VEPH1: variants seen among roughly 807,000 people sequenced by gnomAD.
VEPH1 encodes ventricular zone expressed PH domain containing 1, also known as ventricular zone-expressed PH domain-containing protein homolog 1.
In VEPH1, 80 loss-of-function variants were observed where a neutral mutation model predicts 85.2. The observed-to-expected ratio is 0.94, with a 90% CI of 0.78 to 1.13. The LOEUF (loss-of-function observed/expected upper bound fraction) is 1.13, where lower values mean the gene tolerates loss of function less well. Ranked by LOEUF, VEPH1 falls within the 50% of genes most tolerant of loss-of-function variation. The pLI, the probability that VEPH1 is intolerant of heterozygous loss-of-function variation, is 0.00. For missense variants in VEPH1, 955 were observed against 980.5 expected, an observed-to-expected ratio of 0.97 and a Z score of 0.35; for synonymous variants, 297 against 348.0, an observed-to-expected ratio of 0.85 and a Z score of 1.63.
intron 9 of VEPH1, among the ~76,000 whole-genome samples, chr3:157,344,736 T>G (rs139657815): frequency 0.47 from 71,386 of 151,928 alleles, 18,419 homozygotes; most frequent in Admixed American, 0.62. Flanking sequence ...TAAGCCAAAA[T>G]AACAAAGCTG....
intron 4 of VEPH1, among the ~76,000 whole-genome samples, chr3:157,458,538 C>T (rs1288178362): frequency 6.6e-6 from 1 of 152,038 alleles, no homozygotes; most frequent in Non-Finnish European, 1.5e-5. Flanking sequence ...TTTTCAGATG[C>T]ATAGTTTGCA....
Position 157,272,382 on chromosome 3 carries a change from T to TCTTC in VEPH1, c.2129-6721_2129-6720insGAAG, listed in dbSNP as rs1242977014. ...TTTCTTTCTTTCTCTTTCTTTTCTT[T>TCTTC]CTTTCTTTCTTTCTTTCTTTCTTTC... On this transcript the variant is annotated intron_variant, in intron 12 of 13. Transcript: ENST00000362010. 8.5e-5 allele frequency among the ~76,000 whole-genome samples: 9 copies of TCTTC among 105,756 alleles called. No individual in the cohort carries two copies. In the East Asian group the frequency reaches 2.0e-3, roughly 23 times the overall value. 69.4% of individuals were successfully genotyped at this position (105,756 alleles called of 152,430 possible).
At position 157,398,636 on chromosome 3, in the gene VEPH1, GAA is replaced by G. The variant is rs35264447; in HGVS notation, c.906+15243_906+15244del. 5.5e-3 allele frequency among the ~76,000 whole-genome samples: 796 copies of G among 144,366 alleles called. 10 individuals carry two copies. The highest frequency in any genetic ancestry group is 0.018 in the African/African-American group (719 of 39,352). The allele number at this position is 144,366 out of a possible 152,430, so 94.7% of individuals were successfully genotyped here. A position where few individuals can be genotyped will look rare whatever the true frequency, so the allele number is the denominator to read the frequency against. On this transcript the variant is annotated intron_variant, in intron 6 of 13. Coordinates refer to ENST00000362010, the MANE Select transcript of VEPH1 (RefSeq NM_001167912.2). Reference sequence around the variant, plus strand: ...CAACAGAGTGAGACTCTGTCTCAAAGAAAAAAAAAAAAAGGAGTTATCTGCAG... The same window carrying G: ...CAACAGAGTGAGACTCTGTCTCAAAGAAAAAAAAAAAGGAGTTATCTGCAG...
chr3:157,303,118 C>T (rs911658876), intron 11 of VEPH1, among the ~76,000 whole-genome samples: 2 of 152,164 alleles, frequency 1.3e-5, no homozygotes, highest in Non-Finnish European at 1.5e-5. Context: ...AGAGAATGCT[C>T]TAATACACCA....
intron 6 of VEPH1, among the ~76,000 whole-genome samples, chr3:157,401,267 G>C (rs1730770245): frequency 6.6e-6 from 1 of 152,056 alleles, no homozygotes; most frequent in Non-Finnish European, 1.5e-5. Context: ...AAAAGAGAAA[G>C]GCTGATTGTA....
intron 12 of VEPH1, among the ~76,000 whole-genome samples, chr3:157,265,973 C>G (rs374893500): frequency 3.3e-5 from 5 of 150,120 alleles, no homozygotes; most frequent in African/African-American, 1.2e-4. Flanking sequence ...TTCTTTGTTT[C>G]ATAGTGTTCT....
chr3:157,303,438 A>G (rs1024533413), intron 11 of VEPH1, among the ~76,000 whole-genome samples: 3 of 152,216 alleles, frequency 2.0e-5, no homozygotes, highest in Non-Finnish European at 4.4e-5. Flanking sequence ...GACTGAATAC[A>G]TGAACTTAGA....
At chr3:157,479,678 C>G (rs946222461) in intron 2 of VEPH1, among the ~76,000 whole-genome samples, 2 of 152,188 alleles carry the variant, frequency 1.3e-5, no homozygotes, top group African/African-American at 2.4e-5. Context: ...ACATGGACTG[C>G]ATCAGAATGC....
intron 1 of VEPH1, among the ~76,000 whole-genome samples, chr3:157,502,961 C>T (rs542390490): frequency 1.3e-4 from 20 of 152,278 alleles, no homozygotes; most frequent in Admixed American, 1.2e-3. Flanking sequence ...AGAAATGAGA[C>T]TAGATTATTA....
chr3:157,454,894 C>T (rs1275428324), intron 4 of VEPH1, among the ~76,000 whole-genome samples: 5 of 152,182 alleles, frequency 3.3e-5, no homozygotes, highest in Non-Finnish European at 7.3e-5. Flanking sequence ...CCTCTAGCTG[C>T]ATCCACGTTG....
rs1459473717 is a variant in VEPH1 at position 157,495,575 on chromosome 3, T to A, written c.-157-69A>T. On this transcript the variant is annotated intron_variant, in intron 1 of 13. Coordinates refer to ENST00000362010, the MANE Select transcript of VEPH1 (RefSeq NM_001167912.2). ...GCATAAGCTCAGAATGTGAACTCAG[T>A]GTCCAGCGGAGAGAGAGAGAAAAAA... The A allele has an allele frequency of 3.0e-6, 3 of 1,013,044 alleles. No individual in the cohort carries two copies. The East Asian group carries it at 9.2e-5, about 31-fold the overall frequency. 62.8% of individuals were successfully genotyped at this position (1,013,044 alleles called of 1,614,324 possible). A position where few individuals can be genotyped will look rare whatever the true frequency, so the allele number is the denominator to read the frequency against.
intron 4 of VEPH1, chr3:157,459,827 A>G: frequency 6.7e-7 from 1 of 1,499,412 alleles, no homozygotes; most frequent in Non-Finnish European, 8.9e-7. Context: ...GGTTTTTCAT[A>G]CCCCACTGAG....
intron 12 of VEPH1, among the ~76,000 whole-genome samples, chr3:157,269,642 G>GTTTTTTTTTTTTTTTTTTTTTTTTTTT (rs11408861): frequency 3.6e-4 from 41 of 115,410 alleles, no homozygotes; most frequent in Non-Finnish European, 4.5e-4. Context: ...TGTTTTTGTT[G>GTTTTTTTTTTTTTTTTTTTTTTTTTTT]TTTTTTTTTT....
intron 9 of VEPH1, among the ~76,000 whole-genome samples, chr3:157,327,128 C>T (rs897893429): frequency 1.3e-5 from 2 of 152,128 alleles, no homozygotes; most frequent in Non-Finnish European, 2.9e-5. Flanking sequence ...ACCCCTGGAC[C>T]GGCCCATGTG....
intron 2 of VEPH1, among the ~76,000 whole-genome samples, chr3:157,471,340 A>G (rs1736936886): frequency 6.6e-6 from 1 of 152,220 alleles, no homozygotes; most frequent in African/African-American, 2.4e-5. Flanking sequence ...CATCTTGTGC[A>G]TGAAGCTCTC....
chr3:157,479,003 G>A (rs895808394), intron 2 of VEPH1, among the ~76,000 whole-genome samples: 1 of 152,060 alleles, frequency 6.6e-6, no homozygotes, highest in Non-Finnish European at 1.5e-5. Context: ...ACAGTTAACT[G>A]CTTCCTTTAA....
intron 9 of VEPH1, among the ~76,000 whole-genome samples, chr3:157,354,080 G>T (rs991260503): frequency 6.6e-6 from 1 of 152,136 alleles, no homozygotes; most frequent in African/African-American, 2.4e-5. Flanking sequence ...GACTCTAGAT[G>T]ATAATGTATC....
At chr3:157,440,999 C>T (rs1462736456) in intron 4 of VEPH1, among the ~76,000 whole-genome samples, 1 of 152,222 alleles carries the variant, frequency 6.6e-6, no homozygotes, top group African/African-American at 2.4e-5. Flanking sequence ...GTCTATTCAG[C>T]TCTTAAGTGC....
At chr3:157,295,937 A>G (rs1718073313) in intron 11 of VEPH1, among the ~76,000 whole-genome samples, 1 of 152,242 alleles carries the variant, frequency 6.6e-6, no homozygotes, top group Non-Finnish European at 1.5e-5. Context: ...CCTGGGCAAC[A>G]GAGTGAGACT....
Sources: allele counts gnomAD v4.1 joint callset (sites outside exome capture counted in the v4.1 genomes callset), GRCh38; gene constraint gnomAD v4.1.1; transcripts MANE v1.5; gene names NCBI Gene and HGNC (gene_info 2026-07-23, HGNC 2026-07-21).